Variants in PDS5B observed in about 807,000 individuals in gnomAD.
PDS5B encodes PDS5 cohesin associated factor B, also known as sister chromatid cohesion protein PDS5 homolog B.
In PDS5B, 51 loss-of-function variants were observed where a neutral mutation model predicts 184.1. The ratio of observed to expected loss-of-function variants is 0.28; its 90% CI spans 0.22 to 0.35. PDS5B has a LOEUF of 0.35. Among genes scored for constraint, PDS5B ranks in the 10% least tolerant of loss-of-function variants. PDS5B has a pLI of 1.00. For synonymous variants in PDS5B, 566 were observed against 569.2 expected (o/e 0.99, Z 0.08); for missense variants, 1,180 against 1,723.3 (o/e 0.68, Z 5.58).
At chr13:32,626,693 A>G (rs1209989632) in intron 1 of PDS5B, among the ~76,000 whole-genome samples, 2 of 152,010 alleles carry the variant, frequency 1.3e-5, no homozygotes, top group African/African-American at 4.8e-5. Context: ...ATCTATTGGA[A>G]TCTCTTATAA....
At chr13:32,719,999 T>C (rs1245480112) in intron 19 of PDS5B, among the ~76,000 whole-genome samples, 2 of 152,156 alleles carry the variant, frequency 1.3e-5, no homozygotes, top group Admixed American at 6.5e-5. Flanking sequence ...GATTTTGCCA[T>C]GTGGGCGGGG....
At chr13:32,694,992 T>C (rs914550744) in intron 14 of PDS5B, among the ~76,000 whole-genome samples, 3 of 151,810 alleles carry the variant, frequency 2.0e-5, no homozygotes, top group African/African-American at 7.2e-5. Flanking sequence ...TTTTTCTCAA[T>C]CTCCCTTCCA....
rs1226440830 is a variant in PDS5B, at chr13:32,753,362, G to A, written c.2767G>A (p.Ala923Thr). The part of the protein sequence containing the change: ...DECYQVRQVF[A>T]QKLHKGLSRL... ...ATGCTATCAAGTAAGACAAGTGTTT[G>A]CCCAGAAACTTCACAAAGGCCTTTC... Residue 923 changes from alanine to threonine, a missense_variant, in exon 25 of 35, where the codon GCC becomes ACC. Physicochemically the swap from Ala to Thr is moderately conservative, Grantham distance 58 (BLOSUM62 0). Around this residue, in one of 11 missense-constraint regions of PDS5B, gnomAD observed 40 missense variants for 107.2 expected, o/e 0.37. Coordinates refer to ENST00000315596, the MANE Select transcript of PDS5B (RefSeq NM_015032.4). 4 of 1,613,824 alleles carry A rather than the reference G, an allele frequency of 2.5e-6. No individual in the cohort carries two copies. The highest frequency in any genetic ancestry group is 3.4e-6 in the Non-Finnish European group (4 of 1,179,746).
At position 32,673,210 on chromosome 13, in the gene PDS5B, C is replaced by G. The variant is rs772845751; in HGVS notation, c.706-6C>G. The stretch of plus-strand genomic sequence containing the variant: ...ACTAATGATAGGCTTTCTTTCTCCT[C>G]AAAAGTTTTTTAATCAGGTTCTGAT... On this transcript the variant is annotated splice_polypyrimidine_tract_variant and splice_region_variant and intron_variant, in intron 7 of 34. Coordinates refer to ENST00000315596, the MANE Select transcript of PDS5B (RefSeq NM_015032.4). 2.5e-6 allele frequency: 4 copies of G among 1,609,598 alleles called. No individual in the cohort carries two copies.
intron 1 of PDS5B, among the ~76,000 whole-genome samples, chr13:32,588,179 A>G (rs1453096888): frequency 1.3e-5 from 2 of 152,228 alleles, no homozygotes; most frequent in South Asian, 2.1e-4. Flanking sequence ...TGAGTATTCA[A>G]TGGTGTATGC....
At chr13:32,635,960 G>A (rs1426036072) in intron 1 of PDS5B, among the ~76,000 whole-genome samples, 1 of 151,480 alleles carries the variant, frequency 6.6e-6, no homozygotes, top group Non-Finnish European at 1.5e-5. Context: ...TAGTAGAGAC[G>A]GGGTTTCACC....
In PDS5B at chr13:32,683,947, C is replaced by T. The variant is rs746943017; in HGVS notation, c.1127C>T (p.Thr376Ile). The part of the protein sequence containing the change: ...IRHDVIVSIV[T>I]AAKKDILLVN... ...CATGATGTTATTGTGTCAATAGTTA[C>T]AGCTGCTAAAAAGGATATTCTTCTG... is the stretch of plus-strand genomic sequence containing the variant. Residue 376 changes from threonine to isoleucine, a missense_variant, in exon 11 of 35, where the codon ACA becomes ATA. Physicochemically the swap from Thr to Ile is moderately conservative, Grantham distance 89. This residue lies in a region of PDS5B where 475 missense variants were observed against 691.5 expected (regional missense o/e 0.69). Coordinates refer to ENST00000315596, the MANE Select transcript of PDS5B (RefSeq NM_015032.4). The T allele has an allele frequency of 1.3e-6, 2 of 1,594,020 alleles. No homozygotes were observed.
intron 1 of PDS5B, among the ~76,000 whole-genome samples, chr13:32,633,710 C>T (rs1441323625): frequency 6.6e-6 from 1 of 152,186 alleles, no homozygotes; most frequent in East Asian, 1.9e-4. Flanking sequence ...TTTCTTATAA[C>T]CCCTCCCCCA....
intron 18 of PDS5B, among the ~76,000 whole-genome samples, chr13:32,708,149 A>G (rs1002845573): frequency 6.6e-6 from 1 of 152,172 alleles, no homozygotes; most frequent in East Asian, 1.9e-4. Flanking sequence ...GCCCTGAGCT[A>G]CAACTCTCTG....
intron 1 of PDS5B, among the ~76,000 whole-genome samples, chr13:32,597,861 A>C (rs1233173219): frequency 6.6e-6 from 1 of 151,964 alleles, no homozygotes; most frequent in African/African-American, 2.4e-5. Flanking sequence ...AAAAAAAGAA[A>C]ATTAATTTCA....
chr13:32,689,710 C>T (rs1219074620), intron 13 of PDS5B: 1 of 152,154 alleles, frequency 6.6e-6, no homozygotes, highest in African/African-American at 2.4e-5. Context: ...TTTTCCACTA[C>T]ACGTAGTAAA....
chr13:32,735,367 G>T (rs1360931763), intron 21 of PDS5B, 37 bp downstream of exon 21: 2 of 1,452,088 alleles, frequency 1.4e-6, no homozygotes, highest in Admixed American at 2.0e-5. Context: ...TCTTTGTAAT[G>T]TTAACTTTTG....
Position 32,597,026 on chromosome 13 carries a change from C to T in PDS5B, c.-20+10433C>T, listed in dbSNP as rs76081470. On this transcript the variant is annotated intron_variant, in intron 1 of 34. Transcript: ENST00000315596. Reference sequence around the variant, plus strand: ...TCAACTTTTTGTTTTATGGATTGTGCTTTGAGTTCTTTTTATTTTTTATTT... The same window carrying T: ...TCAACTTTTTGTTTTATGGATTGTGTTTTGAGTTCTTTTTATTTTTTATTT... Among the ~76,000 whole-genome samples, 1,326 of 151,676 alleles carry T rather than the reference C, an allele frequency of 8.7e-3. 22 individuals are homozygous for T. The highest frequency in any genetic ancestry group is 0.03 in the African/African-American group (1,250 of 41,280).
intron 19 of PDS5B, among the ~76,000 whole-genome samples, chr13:32,720,393 A>G (rs1435783197): frequency 6.6e-6 from 1 of 152,196 alleles, no homozygotes; most frequent in East Asian, 1.9e-4. Flanking sequence ...TTGGCTCTGC[A>G]CTTTCAGGAA....
intron 19 of PDS5B, among the ~76,000 whole-genome samples, chr13:32,712,196 A>G (rs1952230880): frequency 6.6e-6 from 1 of 152,274 alleles, no homozygotes; most frequent in African/African-American, 2.4e-5. Context: ...TTGTAGAACC[A>G]CAAGAACAGG....
At chr13:32,658,936 TA>T (rs59633601) in intron 5 of PDS5B, among the ~76,000 whole-genome samples, 66,465 of 151,944 alleles carry the variant, frequency 0.44, 14,924 homozygotes, top group African/African-American at 0.49. Flanking sequence ...TGAGACTGGT[TA>T]AAAATTAGGG....
intron 19 of PDS5B, among the ~76,000 whole-genome samples, chr13:32,723,415 G>C (rs570239765): frequency 9.4e-5 from 12 of 127,802 alleles, no homozygotes; most frequent in Admixed American, 6.9e-4. Flanking sequence ...TTGTTATCAA[G>C]GAAAAAACTT....
intron 1 of PDS5B, among the ~76,000 whole-genome samples, chr13:32,636,645 TAGTA>T (rs763160761): frequency 1.1e-4 from 16 of 152,358 alleles, no homozygotes; most frequent in South Asian, 8.3e-4. Flanking sequence ...TAGTTCATCT[TAGTA>T]AGAACATTTA....
chr13:32,676,932 C>CAAAAAAAAAAAAAAAAA (rs4057303), intron 9 of PDS5B, among the ~76,000 whole-genome samples: 2 of 78,816 alleles, frequency 2.5e-5, no homozygotes, highest in African/African-American at 1.0e-4. Flanking sequence ...CTCTTGTCTC[C>CAAAAAAAAAAAAAAAAA]AAAAAAAAAA....
Sources: allele counts gnomAD v4.1 joint callset (sites outside exome capture counted in the v4.1 genomes callset), GRCh38; gene constraint gnomAD v4.1.1; regional missense constraint gnomAD v4.1.1; transcripts MANE v1.5; gene names NCBI Gene and HGNC (gene_info 2026-07-23, HGNC 2026-07-21).